SLA: variants seen among roughly 807,000 people sequenced by gnomAD.
SLA encodes Src like adaptor, also known as src-like-adapter.
In SLA, 16 loss-of-function variants were observed where a neutral mutation model predicts 30.3. The ratio of observed to expected loss-of-function variants is 0.53; its 90% confidence interval spans 0.36 to 0.80. SLA has a LOEUF of 0.80. Ranked by LOEUF, SLA falls within the 30% of genes least tolerant of loss-of-function variation. The probability of loss-of-function intolerance (pLI) is 0.01; values close to 1 mark genes in which losing one functional copy is unlikely to be tolerated. For missense variants in SLA, 310 were observed against 345.2 expected (o/e 0.90, Z 0.81); for synonymous variants, 143 against 137.8 (o/e 1.04, Z -0.26).
chr8:133,088,038 T>G (rs1238695070), intron 1 of SLA, among the ~76,000 whole-genome samples: 2 of 152,188 alleles, frequency 1.3e-5, no homozygotes, highest in Non-Finnish European at 2.9e-5. Flanking sequence ...ATAATATTGG[T>G]TCTTCCTACT....
intron 2 of SLA, chr8:133,072,942 C>T (rs1844295973): frequency 6.6e-6 from 1 of 152,202 alleles, no homozygotes; most frequent in Non-Finnish European, 1.5e-5. Context: ...TCATATTTAA[C>T]ACTGTTTATT....
chr8:133,052,969 G>A (rs1840693295), intron 3 of SLA, among the ~76,000 whole-genome samples: 1 of 152,000 alleles, frequency 6.6e-6, no homozygotes, highest in African/African-American at 2.4e-5. Context: ...CTGGACTAAT[G>A]GCCCCCACAT....
chr8:133,045,509 C>G (rs921785074), intron 6 of SLA, among the ~76,000 whole-genome samples: 1 of 151,090 alleles, frequency 6.6e-6, no homozygotes, highest in Non-Finnish European at 1.5e-5. Context: ...ATCCTCCCAC[C>G]TCAGCCTCCA....
chr8:133,062,810 C>A (rs1388490749), intron 2 of SLA, among the ~76,000 whole-genome samples: 1 of 152,202 alleles, frequency 6.6e-6, no homozygotes, highest in East Asian at 1.9e-4. Context: ...CTGCTTTGCA[C>A]AGGCCTCAGG....
At chr8:133,074,016 G>A (rs538122626) in intron 2 of SLA, among the ~76,000 whole-genome samples, 1 of 152,226 alleles carries the variant, frequency 6.6e-6, no homozygotes, top group East Asian at 1.9e-4. Context: ...CCCCAAATGA[G>A]GACATTCTGA....
At chr8:133,089,117 A>T (rs369112993) in intron 1 of SLA, among the ~76,000 whole-genome samples, 2 of 152,246 alleles carry the variant, frequency 1.3e-5, no homozygotes, top group African/African-American at 4.8e-5. Flanking sequence ...TCTGGGTCAC[A>T]CACTACCCCT....
At chr8:133,100,462 A>G (rs1050239750) in intron 1 of SLA, among the ~76,000 whole-genome samples, 7 of 152,246 alleles carry the variant, frequency 4.6e-5, no homozygotes, top group Admixed American at 3.9e-4. Context: ...TGCACACAGC[A>G]GGCACACAAT....
chr8:133,043,668 G>T (rs1206136327), intron 7 of SLA, among the ~76,000 whole-genome samples: 1 of 152,130 alleles, frequency 6.6e-6, no homozygotes, highest in Non-Finnish European at 1.5e-5. Context: ...GCTTGGACCT[G>T]CCTCTCCTGA....
intron 2 of SLA, among the ~76,000 whole-genome samples, chr8:133,067,874 GGAA>G (rs1843278961): frequency 3.6e-5 from 1 of 27,956 alleles, no homozygotes; most frequent in African/African-American, 1.3e-4. Context: ...AAGAAAGGAA[GGAA>G]GGAAGGAAGT....
At chr8:133,070,456 C>T (rs1457958644) in intron 2 of SLA, among the ~76,000 whole-genome samples, 3 of 152,194 alleles carry the variant, frequency 2.0e-5, no homozygotes, top group Non-Finnish European at 4.4e-5. Context: ...AATACACGGA[C>T]TCATTTGATG....
intron 5 of SLA, 51 bp downstream of exon 5, chr8:133,049,851 C>T: frequency 8.6e-7 from 1 of 1,166,794 alleles, no homozygotes; most frequent in South Asian, 1.2e-5. Context: ...CCTTATGAGT[C>T]ACCAGCATAC....
rs1837907857 is a variant in SLA, at chr8:133,040,014, A to G, written c.601T>C (p.Trp201Arg). 1 of 1,551,368 alleles carries G rather than the reference A, an allele frequency of 6.4e-7. No homozygotes were observed. The highest frequency in any genetic ancestry group is 2.0e-5 in the Admixed American group (1 of 50,958). ...CATACTCACCTGGACACTCTCCTCC[A>G]GTCCACAGTCTTCTGACGCAAGGTG... ...PVTLRQKTVD[W>R]RRVSRLQEDP... Residue 201 changes from tryptophan (W) to arginine (R), a missense_variant, in exon 8 of 9, where the codon TGG becomes CGG. Physicochemically the swap from Trp to Arg is moderately radical, Grantham distance 101. Transcript: ENST00000338087.
intron 2 of SLA, among the ~76,000 whole-genome samples, chr8:133,066,503 G>A (rs1317226067): frequency 2.0e-5 from 3 of 152,162 alleles, no homozygotes; most frequent in East Asian, 3.9e-4. Context: ...ACTCTCTCTG[G>A]GTAGTGATTT....
intron 3 of SLA, among the ~76,000 whole-genome samples, chr8:133,057,780 A>C (rs554931204): frequency 3.0e-4 from 45 of 152,084 alleles, no homozygotes; most frequent in South Asian, 4.1e-4. Context: ...AAAACAAAAA[A>C]AAAAAAACAA....
rs1407337918 is a variant in SLA, at chr8:133,040,106, A to C, written c.509T>G (p.Val170Gly). ...TTGTGTCAGGCAGGGCGTGGTGAGC[A>C]CACAGCACAGGCCATCAGCCACCTC... ...YSEVADGLCCVLTTPCLTQST... is the reference protein window; with the variant it reads ...YSEVADGLCCGLTTPCLTQST... The change falls in exon 8 of 9, where the codon GTG becomes GGG. Residue 170 changes from valine (V) to glycine (G), a missense_variant. By Grantham distance (109) the Val-to-Gly change is moderately radical (BLOSUM62 -3). Coordinates refer to ENST00000338087, the MANE Select transcript of SLA (RefSeq NM_001045556.3). 8.9e-6 allele frequency: 14 copies of C among 1,574,230 alleles called. No individual in the cohort carries two copies. Among genetic ancestry groups the C allele is most frequent in the Non-Finnish European group, 1.2e-5 (14 of 1,160,038 alleles).
chr8:133,055,994 A>G (rs996144177), intron 3 of SLA, among the ~76,000 whole-genome samples: 1 of 152,088 alleles, frequency 6.6e-6, no homozygotes, highest in Non-Finnish European at 1.5e-5. Context: ...GTATGAGGAA[A>G]TAGAGGCACA....
At chr8:133,064,686 G>A (rs546069881) in intron 2 of SLA, among the ~76,000 whole-genome samples, 110 of 152,326 alleles carry the variant, frequency 7.2e-4, no homozygotes, top group African/African-American at 2.2e-3. Context: ...GGGATATGCC[G>A]GCCAGCAGCC....
chr8:133,099,266 T>C (rs1210097167), intron 1 of SLA, among the ~76,000 whole-genome samples: 1 of 152,224 alleles, frequency 6.6e-6, no homozygotes, highest in African/African-American at 2.4e-5. Context: ...GTTCATTGGT[T>C]AGACCGTTCG....
At chr8:133,042,265 C>G (rs1238817043) in intron 7 of SLA, among the ~76,000 whole-genome samples, 1 of 152,166 alleles carries the variant, frequency 6.6e-6, no homozygotes, top group Non-Finnish European at 1.5e-5. Context: ...GGTTCAGACC[C>G]CCTGGTCTAA....
Sources: allele counts gnomAD v4.1 joint callset (sites outside exome capture counted in the v4.1 genomes callset), GRCh38; gene constraint gnomAD v4.1.1; transcripts MANE v1.5; gene names NCBI Gene and HGNC (gene_info 2026-07-23, HGNC 2026-07-21).